Variants in ZDHHC14 observed in about 807,000 individuals in gnomAD.
ZDHHC14 encodes the protein palmitoyltransferase ZDHHC14.
In ZDHHC14, 16 loss-of-function variants were observed where a neutral mutation model predicts 47.7. The ratio of observed to expected loss-of-function variants is 0.34; its 90% confidence interval spans 0.23 to 0.51. The LOEUF is 0.51. Among genes scored for constraint, ZDHHC14 ranks in the 20% least tolerant of loss-of-function variants. The pLI is 0.97. For missense variants in ZDHHC14, 515 were observed against 662.5 expected (o/e 0.78, Z 2.44); for synonymous variants, 293 against 278.9 (o/e 1.05, Z -0.50).
intron 1 of ZDHHC14, 112 bp from the exon 2 acceptor site, chr6:157,542,473 C>A (rs1477764920): frequency 2.2e-6 from 3 of 1,373,492 alleles, no homozygotes; most frequent in Admixed American, 2.3e-5. Flanking sequence ...CAATTTCTCT[C>A]CTCCAAATAA....
chr6:157,510,612 C>G (rs1233048657), intron 1 of ZDHHC14, among the ~76,000 whole-genome samples: 3 of 152,246 alleles, frequency 2.0e-5, no homozygotes, highest in African/African-American at 7.2e-5. Context: ...TCTGACCTCT[C>G]TTTCTCAGTC....
chr6:157,610,774 C>T (rs961871359), intron 3 of ZDHHC14, among the ~76,000 whole-genome samples: 2 of 152,220 alleles, frequency 1.3e-5, no homozygotes, highest in African/African-American at 4.8e-5. Context: ...GCAGGACCAA[C>T]GTTGTCACAG....
At chr6:157,513,528 A>T (rs1239649810) in intron 1 of ZDHHC14, among the ~76,000 whole-genome samples, 1 of 152,180 alleles carries the variant, frequency 6.6e-6, no homozygotes, top group South Asian at 2.1e-4. Context: ...GTCAACATTG[A>T]CATAAGCCTT....
intron 8 of ZDHHC14, among the ~76,000 whole-genome samples, chr6:157,659,150 T>A (rs552087771): frequency 1.3e-5 from 2 of 152,322 alleles, no homozygotes; most frequent in East Asian, 3.9e-4. Context: ...GCTTAAGGAC[T>A]GAAAAAGTTA....
In ZDHHC14 at chr6:157,599,318, G is replaced by C. The variant is rs62423215; in HGVS notation, c.565+6172G>C. On this transcript the variant is annotated intron_variant, in intron 3 of 8. Coordinates refer to ENST00000359775, the MANE Select transcript of ZDHHC14 (RefSeq NM_024630.3). ...TTGCATCTGCAGCAGGATGTTGCAGGAGGCAAGTACCACAGGTAGGACGTT... is the reference window on the plus strand; with the variant it reads ...TTGCATCTGCAGCAGGATGTTGCAGCAGGCAAGTACCACAGGTAGGACGTT... Among the ~76,000 whole-genome samples the C allele has an allele frequency of 9.5e-3, 1,440 of 152,350 alleles. 9 individuals are homozygous for C. The highest frequency in any genetic ancestry group is 0.015 in the Non-Finnish European group (987 of 68,038).
At chr6:157,526,607 C>G (rs1781162764) in intron 1 of ZDHHC14, among the ~76,000 whole-genome samples, 1 of 152,226 alleles carries the variant, frequency 6.6e-6, no homozygotes, top group Non-Finnish European at 1.5e-5. Flanking sequence ...TTGTTTTTCT[C>G]TTTCACACAC....
At chr6:157,609,244 C>T (rs1369642911) in intron 3 of ZDHHC14, among the ~76,000 whole-genome samples, 1 of 152,184 alleles carries the variant, frequency 6.6e-6, no homozygotes, top group East Asian at 1.9e-4. Flanking sequence ...GAGCTGAGCA[C>T]TGCCTGTGTC....
At chr6:157,415,703 C>T (rs529268889) in intron 1 of ZDHHC14, among the ~76,000 whole-genome samples, 29 of 151,940 alleles carry the variant, frequency 1.9e-4, no homozygotes, top group Non-Finnish European at 3.5e-4. Context: ...GGTGAAACCC[C>T]GTCTCTACTA....
chr6:157,583,206 A>G (rs1225716293), intron 2 of ZDHHC14, among the ~76,000 whole-genome samples: 1 of 151,952 alleles, frequency 6.6e-6, no homozygotes, highest in Non-Finnish European at 1.5e-5. Flanking sequence ...CATACTCTGA[A>G]TTCTATTTCT....
intron 3 of ZDHHC14, among the ~76,000 whole-genome samples, chr6:157,607,302 C>T (rs935223673): frequency 6.6e-6 from 1 of 152,082 alleles, no homozygotes; most frequent in African/African-American, 2.4e-5. Context: ...TATCTCTCCA[C>T]CCAACCAAGG....
chr6:157,530,035 T>G (rs1467790765), intron 1 of ZDHHC14, among the ~76,000 whole-genome samples: 2 of 152,244 alleles, frequency 1.3e-5, no homozygotes, highest in African/African-American at 4.8e-5. Context: ...ATATGAAATG[T>G]TATATGTGAA....
At chr6:157,644,916 G>T (rs562925751) in intron 5 of ZDHHC14, among the ~76,000 whole-genome samples, 1 of 152,110 alleles carries the variant, frequency 6.6e-6, no homozygotes, top group Admixed American at 6.5e-5. Flanking sequence ...CCACACTCTC[G>T]GGTGATGGAT....
Position 157,598,689 on chromosome 6 carries a change from A to G in ZDHHC14, c.565+5543A>G, listed in dbSNP as rs143858846. 3.4e-3 allele frequency among the ~76,000 whole-genome samples: 522 copies of G among 152,386 alleles called. 3 individuals carry two copies. The highest frequency in any genetic ancestry group is 0.011 in the African/African-American group (445 of 41,586). ...CAAAGGTAATTTGTTACATAATGCT[A>G]GTGAGAAATAATAGCATACATCTGT... is the stretch of plus-strand genomic sequence containing the variant. On this transcript the variant is annotated intron_variant, in intron 3 of 8. Transcript: ENST00000359775.
chr6:157,595,813 T>C (rs1784105602), intron 3 of ZDHHC14, among the ~76,000 whole-genome samples: 2 of 152,146 alleles, frequency 1.3e-5, no homozygotes, highest in African/African-American at 4.8e-5. Context: ...GAGCCAGGCC[T>C]CCACCTTTCT....
chr6:157,646,417 C>T (rs1006202555), intron 6 of ZDHHC14: 1 of 152,184 alleles, frequency 6.6e-6, no homozygotes, highest in East Asian at 1.9e-4. Flanking sequence ...TCGAGGCCAT[C>T]CCGGCTAACA....
chr6:157,406,955 C>T (rs1414081635), intron 1 of ZDHHC14, among the ~76,000 whole-genome samples: 1 of 152,164 alleles, frequency 6.6e-6, no homozygotes, highest in Non-Finnish European at 1.5e-5. Flanking sequence ...GCTCCAGCTA[C>T]GAGGCATTAA....
chr6:157,520,859 A>T (rs531150372), intron 1 of ZDHHC14, among the ~76,000 whole-genome samples: 2 of 152,312 alleles, frequency 1.3e-5, no homozygotes, highest in South Asian at 4.1e-4. Context: ...ATTAGAAGGG[A>T]GTGGGGCCTC....
intron 2 of ZDHHC14, among the ~76,000 whole-genome samples, chr6:157,546,845 C>T (rs905839775): frequency 3.9e-5 from 6 of 152,188 alleles, no homozygotes; most frequent in African/African-American, 7.2e-5. Context: ...CCACAGGTTT[C>T]GTCTCTTCCC....
chr6:157,393,350 G>A (rs1174857382), intron 1 of ZDHHC14, among the ~76,000 whole-genome samples: 1 of 152,186 alleles, frequency 6.6e-6, no homozygotes, highest in Admixed American at 6.5e-5. Flanking sequence ...TGTAGCCAAC[G>A]GCCCTGCCTG....
Sources: gnomAD v4.1 joint callset for allele counts (sites outside exome capture counted in the v4.1 genomes callset) on GRCh38, gnomAD v4.1.1 for gene constraint, MANE v1.5 for transcripts, NCBI Gene and HGNC (gene_info 2026-07-23, HGNC 2026-07-21) for gene names.